Variants in CADPS observed in about 807,000 individuals in gnomAD.
The protein encoded by CADPS is calcium dependent secretion activator.
Under a neutral mutation model 167.3 loss-of-function variants are expected in CADPS, and 57 were observed. The observed-to-expected ratio is 0.34, with a 90% CI of 0.28 to 0.42. CADPS has a LOEUF of 0.42. Among genes scored for constraint, CADPS ranks in the 20% least tolerant of loss-of-function variants. CADPS has a pLI of 1.00. For missense variants in CADPS, 1,414 were observed against 1,738.1 expected (o/e 0.81, Z 3.32); for synonymous variants, 676 against 635.3 (o/e 1.06, Z -0.96).
At chr3:62,444,910 TG>T (rs1419585250) in intron 27 of CADPS, among the ~76,000 whole-genome samples, 7 of 152,236 alleles carry the variant, frequency 4.6e-5, no homozygotes, top group African/African-American at 1.7e-4. Flanking sequence ...AGACCCTTGG[TG>T]GCTGTTGAGA....
chr3:62,506,842 C>T (rs1046503626), intron 17 of CADPS, among the ~76,000 whole-genome samples: 1 of 152,188 alleles, frequency 6.6e-6, no homozygotes, highest in Non-Finnish European at 1.5e-5. Context: ...GAGGAATGCT[C>T]TTTTTCTTCT....
At chr3:62,550,690 C>T (rs1410427995) in intron 10 of CADPS, among the ~76,000 whole-genome samples, 2 of 152,016 alleles carry the variant, frequency 1.3e-5, no homozygotes, top group African/African-American at 4.8e-5. Context: ...AAGGGTCTCT[C>T]CCCTCCTTTT....
At chr3:62,528,765 A>T (rs1429820575) in intron 13 of CADPS, among the ~76,000 whole-genome samples, 2 of 152,238 alleles carry the variant, frequency 1.3e-5, no homozygotes, top group African/African-American at 2.4e-5. Context: ...TTGGACTTAG[A>T]ACATCTAGGT....
intron 3 of CADPS, among the ~76,000 whole-genome samples, chr3:62,707,807 A>AT (rs1388767659): frequency 1.3e-5 from 2 of 152,054 alleles, no homozygotes; most frequent in East Asian, 1.9e-4. Context: ...TTACCTGCTT[A>AT]TTTTTTTCTC....
At chr3:62,426,727 C>T (rs1445122219) in intron 28 of CADPS, among the ~76,000 whole-genome samples, 1 of 152,162 alleles carries the variant, frequency 6.6e-6, no homozygotes, top group African/African-American at 2.4e-5. Flanking sequence ...ACTGCAAAGC[C>T]TATGCTCCTA....
At chr3:62,627,715 C>T (rs1052556386) in intron 6 of CADPS, among the ~76,000 whole-genome samples, 1 of 137,074 alleles carries the variant, frequency 7.3e-6, no homozygotes, top group Admixed American at 8.0e-5. Context: ...TCAGAAGACC[C>T]TAACCTGTGA....
chr3:62,432,779 A>G (rs1012806228), intron 28 of CADPS, among the ~76,000 whole-genome samples: 5 of 152,138 alleles, frequency 3.3e-5, no homozygotes, highest in African/African-American at 7.2e-5. Flanking sequence ...GTTCAAGGTC[A>G]CCCAGCTAGT....
chr3:62,563,272 C>G (rs1374099854), intron 9 of CADPS, among the ~76,000 whole-genome samples: 1 of 152,182 alleles, frequency 6.6e-6, no homozygotes, highest in Non-Finnish European at 1.5e-5. Context: ...TTTGGAGTTA[C>G]AAATCCTTCA....
At chr3:62,696,613 C>A (rs1258893312) in intron 3 of CADPS, among the ~76,000 whole-genome samples, 1 of 152,116 alleles carries the variant, frequency 6.6e-6, no homozygotes, top group Non-Finnish European at 1.5e-5. Context: ...GGGATGGGGG[C>A]TGCTGCCCGT....
chr3:62,417,984 T>A (rs1417228406), intron 28 of CADPS, among the ~76,000 whole-genome samples: 1 of 151,954 alleles, frequency 6.6e-6, no homozygotes, highest in Non-Finnish European at 1.5e-5. Flanking sequence ...GGGCAACAAG[T>A]GAGATCCTAG....
chr3:62,746,816 C>G (rs499596), intron 3 of CADPS, among the ~76,000 whole-genome samples: 1 of 152,086 alleles, frequency 6.6e-6, no homozygotes, highest in East Asian at 1.9e-4. Context: ...AGCACAGCCT[C>G]GCCAGCACCT....
At chr3:62,547,700 T>C (rs1263340196) in intron 11 of CADPS, among the ~76,000 whole-genome samples, 4 of 150,562 alleles carry the variant, frequency 2.7e-5, no homozygotes, top group African/African-American at 7.3e-5. Flanking sequence ...GTGTATTCAA[T>C]TGAGTCTTTC....
chr3:62,416,758 G>T (rs986160733), intron 28 of CADPS, among the ~76,000 whole-genome samples: 1 of 152,184 alleles, frequency 6.6e-6, no homozygotes, highest in Non-Finnish European at 1.5e-5. Context: ...CTTCCTGGGG[G>T]ACCATTGCTA....
intron 28 of CADPS, among the ~76,000 whole-genome samples, chr3:62,408,763 A>C (rs2048379048): frequency 6.6e-6 from 1 of 152,250 alleles, no homozygotes; most frequent in African/African-American, 2.4e-5. Context: ...CATATATCAC[A>C]GATGAGTGGC....
intron 1 of CADPS, chr3:62,779,365 GGTGCTTTTT>G (rs2091093102): frequency 2.2e-6 from 1 of 450,714 alleles, no homozygotes; most frequent in Admixed American, 2.8e-5. Flanking sequence ...CTTAATAGCA[GGTGCTTTTT>G]TGGGAGACAC....
At chr3:62,535,326 A>C (rs1301799531) in intron 12 of CADPS, among the ~76,000 whole-genome samples, 1 of 151,566 alleles carries the variant, frequency 6.6e-6, no homozygotes, top group Non-Finnish European at 1.5e-5. Context: ...ACCTGAGATA[A>C]TCAATGAATC....
chr3:62,547,600 G>GGC (rs2076707892), intron 11 of CADPS, among the ~76,000 whole-genome samples: 1 of 29,716 alleles, frequency 3.4e-5, no homozygotes, highest in African/African-American at 1.0e-4. Flanking sequence ...CCCCCCCCCC[G>GGC]CAAATTCTAA....
At chr3:62,531,944 G>A (rs1036845944) in intron 13 of CADPS, among the ~76,000 whole-genome samples, 3 of 152,196 alleles carry the variant, frequency 2.0e-5, no homozygotes, top group Admixed American at 2.0e-4. Flanking sequence ...TTAGTACAGA[G>A]TCAGGAGACT....
At chr3:62,549,666 A>T (rs1577594312) in intron 11 of CADPS, among the ~76,000 whole-genome samples, 1 of 152,262 alleles carries the variant, frequency 6.6e-6, no homozygotes, top group East Asian at 1.9e-4. Flanking sequence ...AGAGATAAAA[A>T]TCCACCTAAA....
Sources: gnomAD v4.1 joint callset for allele counts (sites outside exome capture counted in the v4.1 genomes callset) on GRCh38, gnomAD v4.1.1 for gene constraint, MANE v1.5 for transcripts, NCBI Gene and HGNC (gene_info 2026-07-23, HGNC 2026-07-21) for gene names.